Variants in JAG1 observed in about 807,000 individuals in gnomAD.
The protein encoded by JAG1 is protein jagged-1.
A neutral mutation model predicts 148.7 loss-of-function variants in JAG1; 23 were observed. That is an observed-to-expected ratio of 0.15 (90% CI 0.11 to 0.22). The LOEUF is 0.22. Among genes scored for constraint, JAG1 ranks in the 10% least tolerant of loss-of-function variants. JAG1 has a pLI of 1.00. For missense variants in JAG1, 1,054 were observed against 1,611.2 expected, an observed-to-expected ratio of 0.65 and a Z score of 5.92; for synonymous variants, 572 against 598.3, an observed-to-expected ratio of 0.96 and a Z score of 0.64.
At chr20:10,653,060 C>A (rs1274249046) in intron 5 of JAG1, among the ~76,000 whole-genome samples, 1 of 151,802 alleles carries the variant, frequency 6.6e-6, no homozygotes, top group Non-Finnish European at 1.5e-5. Context: ...ATGCAACAAG[C>A]CACCAAGTGC....
At chr20:10,670,259 C>G (rs1029504469) in intron 2 of JAG1, among the ~76,000 whole-genome samples, 1 of 152,210 alleles carries the variant, frequency 6.6e-6, no homozygotes, top group African/African-American at 2.4e-5. Context: ...TCTACACTGA[C>G]CTACCCCTGC....
Position 10,639,379 on chromosome 20 carries a change from A to C in JAG1, c.*119T>G. The stretch of plus-strand genomic sequence containing the variant: ...TTGCCAGTGTAAGCCAGCTTGTCAA[A>C]ACTTAAATTAACACAGGGATTCTAA... On this transcript the variant is annotated 3_prime_UTR_variant, in exon 26 of 26. Transcript: ENST00000254958. 1.0e-6 allele frequency: 1 copy of C among 986,464 alleles called. No homozygotes were observed. The highest frequency in any genetic ancestry group is 1.6e-6 in the Non-Finnish European group (1 of 610,468). The allele number at this position is 986,464 out of a possible 1,614,324, so 61.1% of individuals were successfully genotyped here.
chr20:10,656,525 T>C (rs2067380529), intron 4 of JAG1, 67 bp from the exon 5 acceptor site: 3 of 1,338,162 alleles, frequency 2.2e-6, no homozygotes, highest in South Asian at 2.4e-5. Context: ...GTCATGAGAA[T>C]GGCCCATTGC....
At chr20:10,643,073 CCA>C (rs1192964567) in intron 20 of JAG1, among the ~76,000 whole-genome samples, 1 of 152,230 alleles carries the variant, frequency 6.6e-6, no homozygotes, top group Non-Finnish European at 1.5e-5. Flanking sequence ...GGCCCCTGGG[CCA>C]CAGTTTGCCA....
chr20:10,643,019 G>A (rs1338394518), intron 20 of JAG1, among the ~76,000 whole-genome samples: 4 of 152,256 alleles, frequency 2.6e-5, no homozygotes, highest in Admixed American at 2.6e-4. Flanking sequence ...GTGGCTGTGT[G>A]CCAAGAAAAC....
rs534472359 is a variant in JAG1, at chr20:10,649,689, C to A, written c.1235-54G>T. 5.0e-5 allele frequency: 51 copies of A among 1,020,468 alleles called. 1 individual carries two copies. In the East Asian group the frequency reaches 5.9e-4, roughly 12 times the overall value. 63.2% of individuals were successfully genotyped at this position (1,020,468 alleles called of 1,614,324 possible). A position where few individuals can be genotyped will look rare whatever the true frequency, so the allele number is the denominator to read the frequency against. ...AATGAAGTTCAACCCCCATCTCCCC[C>A]ACCTTGGAAAAAAAAAGAACAGGCC... is the stretch of plus-strand genomic sequence containing the variant. On this transcript the variant is annotated intron_variant, in intron 9 of 25. Coordinates refer to ENST00000254958, the MANE Select transcript of JAG1 (RefSeq NM_000214.3).
In JAG1 at chr20:10,644,794, G is replaced by A. The variant is rs1250976674; in HGVS notation, c.2344+69C>T. On this transcript the variant is annotated intron_variant, in intron 18 of 25. Coordinates refer to ENST00000254958, the MANE Select transcript of JAG1 (RefSeq NM_000214.3). ...AACAGCTCTGCTTCTGGTTTCCATT[G>A]CAAGTCCCCAAGGGTGTCAGGATCT... The A allele has an allele frequency of 9.0e-6, 10 of 1,106,802 alleles. No individual in the cohort carries two copies. The Middle Eastern group carries it at 1.1e-3, about 124-fold the overall frequency. 68.6% of individuals were successfully genotyped at this position (1,106,802 alleles called of 1,614,324 possible). A position where few individuals can be genotyped will look rare whatever the true frequency, so the allele number is the denominator to read the frequency against.
In JAG1 at chr20:10,642,570, G is replaced by A. The variant is rs1327080247; in HGVS notation, c.2490C>T (p.Ala830=). The A allele has an allele frequency of 1.9e-6, 3 of 1,613,612 alleles. No individual in the cohort carries two copies. Among genetic ancestry groups the A allele is most frequent in the Non-Finnish European group, 2.5e-6 (3 of 1,179,520 alleles). The change falls in exon 21 of 26, where the codon GCC becomes GCT. Residue 830 remains alanine (A), a synonymous_variant. Coordinates refer to ENST00000254958, the MANE Select transcript of JAG1 (RefSeq NM_000214.3). ...TCTCATCCACACAGGTCGCTCCAAA[G>A]GCACAAGGTGAAGACTGGCATTCAT... ...NINECQSSPC[A]FGATCVDEIN...
intron 2 of JAG1, among the ~76,000 whole-genome samples, chr20:10,671,286 T>G (rs1600195508): frequency 6.6e-6 from 1 of 152,230 alleles, no homozygotes; most frequent in African/African-American, 2.4e-5. Flanking sequence ...TAAATACTCT[T>G]GGTAAAAATG....
At chr20:10,660,001 A>G (rs1344888630) in intron 3 of JAG1, among the ~76,000 whole-genome samples, 1 of 152,212 alleles carries the variant, frequency 6.6e-6, no homozygotes, top group Non-Finnish European at 1.5e-5. Context: ...ACCTGCCAGC[A>G]CCAACTCTTC....
rs56122797 is a variant in JAG1 at position 10,669,547 on chromosome 20, C to CAAAAAAAAAAAAA, written c.387+3141_387+3153dup. 7.5e-4 allele frequency among the ~76,000 whole-genome samples: 33 copies of CAAAAAAAAAAAAA among 44,192 alleles called. 9 individuals are homozygous for CAAAAAAAAAAAAA. Among genetic ancestry groups the CAAAAAAAAAAAAA allele is most frequent in the Non-Finnish European group, 1.0e-3 (23 of 22,446 alleles). The allele number at this position is 44,192 out of a possible 152,430, so 29.0% of individuals were successfully genotyped here. A position where few individuals can be genotyped will look rare whatever the true frequency, so the allele number is the denominator to read the frequency against. ...AAGAATCACGTTTCATTGGATTTTC[C>CAAAAAAAAAAAAA]AAAAAAAAAAAAAAAAAAAAAAAAA... On this transcript the variant is annotated intron_variant, in intron 2 of 25. Transcript: ENST00000254958.
At chr20:10,641,089 G>A (rs751176934) in intron 24 of JAG1, 24 bp downstream of exon 24, 43 of 1,613,830 alleles carry the variant, frequency 2.7e-5, no homozygotes, top group Non-Finnish European at 3.1e-5. Context: ...CGAATAATGA[G>A]GTGTGAATGG....
intron 2 of JAG1, among the ~76,000 whole-genome samples, chr20:10,668,060 C>G (rs549596239): frequency 6.9e-6 from 1 of 145,914 alleles, no homozygotes; most frequent in East Asian, 2.0e-4. Context: ...CCAGCACACG[C>G]ACTGCACCAA....
rs535668266 is a variant in JAG1, at chr20:10,664,023, C to T, written c.388-9G>A. 1.2e-6 allele frequency: 2 copies of T among 1,612,724 alleles called. No homozygotes were observed. Among genetic ancestry groups the T allele is most frequent in the East Asian group, 2.2e-5 (1 of 44,876 alleles). On this transcript the variant is annotated splice_polypyrimidine_tract_variant and intron_variant, in intron 2 of 25. Coordinates refer to ENST00000254958, the MANE Select transcript of JAG1 (RefSeq NM_000214.3). ...AGCAACGTATAGGACCTCTGCAAGA[C>T]AAACAAACAATTTAGCAATTCAGAA...
chr20:10,645,568 A>G lies in JAG1; in HGVS notation c.2000-99T>C. On this transcript the variant is annotated intron_variant, in intron 15 of 25. Transcript: ENST00000254958. This position sits in a 1 kb window ranked among gnomAD's most constrained non-coding sequence, Gnocchi z 6.1. ...TCCTACTGCTTACATCCAACATCCTATTCTGAGAACAGCCACAGTCGTAGT... is the reference window on the plus strand; with the variant it reads ...TCCTACTGCTTACATCCAACATCCTGTTCTGAGAACAGCCACAGTCGTAGT... 1 of 931,086 alleles carries G rather than the reference A, an allele frequency of 1.1e-6. No individual in the cohort carries two copies. Among genetic ancestry groups the G allele is most frequent in the South Asian group, 1.3e-5 (1 of 76,200 alleles). 57.7% of individuals were successfully genotyped at this position (931,086 alleles called of 1,614,324 possible). A position where few individuals can be genotyped will look rare whatever the true frequency, so the allele number is the denominator to read the frequency against.
Position 10,642,562 on chromosome 20 carries a change from G to T in JAG1, c.2498C>A (p.Ala833Glu). Residue 833 changes from alanine (A) to glutamate (E), a missense_variant, in exon 21 of 26, where the codon GCG (alanine) becomes GAG (glutamate). Ala to Glu is a moderately radical substitution (Grantham distance 107). This residue lies in a region of JAG1 where 342 missense variants were observed against 514.6 expected (regional missense o/e 0.66). Transcript: ENST00000254958. Reference sequence around the variant, plus strand: ...GCCATTGATCTCATCCACACAGGTCGCTCCAAAGGCACAAGGTGAAGACTG... The same window carrying T: ...GCCATTGATCTCATCCACACAGGTCTCTCCAAAGGCACAAGGTGAAGACTG... ...ECQSSPCAFGATCVDEINGYR... is the reference protein window; with the variant it reads ...ECQSSPCAFGETCVDEINGYR... 6.2e-7 allele frequency: 1 copy of T among 1,613,750 alleles called. No homozygotes were observed. Among genetic ancestry groups the T allele is most frequent in the Non-Finnish European group, 8.5e-7 (1 of 1,179,664 alleles).
chr20:10,645,737 G>A lies in JAG1; in HGVS notation c.1999+234C>T. ...GAAATATGACTTTCCTTGCAAGCAG[G>A]AATATTTATTACACAGTCTAATTCT... On this transcript the variant is annotated intron_variant, in intron 15 of 25. Transcript: ENST00000254958. The surrounding 1 kb of genome is among the most constrained non-coding windows in gnomAD (Gnocchi z 6.1). 1 of 616,840 alleles carries A rather than the reference G, an allele frequency of 1.6e-6. No individual in the cohort carries two copies. Among genetic ancestry groups the A allele is most frequent in the African/African-American group, 1.8e-5 (1 of 54,280 alleles). The allele number at this position is 616,840 out of a possible 1,614,324, so 38.2% of individuals were successfully genotyped here.
At chr20:10,657,995 T>C (rs1218643105) in intron 4 of JAG1, among the ~76,000 whole-genome samples, 3 of 151,956 alleles carry the variant, frequency 2.0e-5, no homozygotes, top group Non-Finnish European at 4.4e-5. Context: ...TGGACATAGG[T>C]AGAAGGAATT....
Position 10,654,143 on chromosome 20 carries a change from C to T in JAG1, c.756-1545G>A, listed in dbSNP as rs145020080. 3.9e-3 allele frequency among the ~76,000 whole-genome samples: 601 copies of T among 152,252 alleles called. 7 individuals are homozygous for T. Among genetic ancestry groups the T allele is most frequent in the African/African-American group, 0.014 (566 of 41,550 alleles). ...GATTACGAAATGGCAATATTCTCAC[C>T]GTCTTCCCTTATTCTCTTCCAAATT... is the stretch of plus-strand genomic sequence containing the variant. On this transcript the variant is annotated intron_variant, in intron 5 of 25. Coordinates refer to ENST00000254958, the MANE Select transcript of JAG1 (RefSeq NM_000214.3).
Sources: allele counts gnomAD v4.1 joint callset (sites outside exome capture counted in the v4.1 genomes callset), GRCh38; gene constraint gnomAD v4.1.1; regional missense constraint gnomAD v4.1.1; non-coding constraint Gnocchi (gnomAD v3.1); transcripts MANE v1.5; gene names NCBI Gene and HGNC (gene_info 2026-07-23, HGNC 2026-07-21).